ERBB4: variants seen among roughly 807,000 people sequenced by gnomAD.
The protein encoded by ERBB4 is erb-b2 receptor tyrosine kinase 4.
Under a neutral mutation model 158.0 loss-of-function variants are expected in ERBB4, and 42 were observed. The ratio of observed to expected loss-of-function variants is 0.27; its 90% CI spans 0.21 to 0.34. The LOEUF (loss-of-function observed/expected upper bound fraction) is 0.34. ERBB4 is among the 10% of genes least tolerant of loss of function. The pLI, the probability that ERBB4 is intolerant of heterozygous loss-of-function variation, is 1.00. For missense variants in ERBB4, 1,333 were observed against 1,624.1 expected, an observed-to-expected ratio of 0.82 and a Z score of 3.08; for synonymous variants, 583 against 558.7, an observed-to-expected ratio of 1.04 and a Z score of -0.61.
chr2:211,436,134 A>G (rs887974062), intron 20 of ERBB4, among the ~76,000 whole-genome samples: 4 of 152,146 alleles, frequency 2.6e-5, no homozygotes, highest in Non-Finnish European at 5.9e-5. Context: ...TTGAAGTCAT[A>G]TAGCTTTAAA....
At position 211,754,526 on chromosome 2, in the gene ERBB4, G is replaced by A. The variant is rs1480701917; in HGVS notation, c.557-3822C>T. 1.1e-4 allele frequency among the ~76,000 whole-genome samples: 16 copies of A among 146,834 alleles called. 1 individual carries two copies. The highest frequency in any genetic ancestry group is 4.1e-3 in the Middle Eastern group (1 of 246). On this transcript the variant is annotated intron_variant, in intron 4 of 27. Transcript: ENST00000342788. ...AAGCAATTCTCTGCCTCAGCCTCCC[G>A]AGTAGCTGGGATTACAGGTGCCTGC...
intron 7 of ERBB4, among the ~76,000 whole-genome samples, chr2:211,720,480 G>A (rs935443474): frequency 6.6e-5 from 10 of 152,152 alleles, no homozygotes; most frequent in Admixed American, 1.3e-4. Flanking sequence ...TTTTGTCACC[G>A]GGAATCTCTA....
intron 4 of ERBB4, among the ~76,000 whole-genome samples, chr2:211,774,905 A>C (rs2075834573): frequency 6.6e-6 from 1 of 152,158 alleles, no homozygotes; most frequent in South Asian, 2.1e-4. Flanking sequence ...TGCTTCTGTT[A>C]AGTAATAGAT....
At chr2:212,440,262 T>G (rs544256260) in intron 1 of ERBB4, among the ~76,000 whole-genome samples, 2 of 152,196 alleles carry the variant, frequency 1.3e-5, no homozygotes, top group South Asian at 4.1e-4. Context: ...ACTCTTAATC[T>G]GGTGGGAACA....
chr2:211,768,610 G>C (rs1236223466), intron 4 of ERBB4, among the ~76,000 whole-genome samples: 1 of 152,168 alleles, frequency 6.6e-6, no homozygotes, highest in African/African-American at 2.4e-5. Flanking sequence ...ACACCACGTG[G>C]AAGCTGCCAA....
intron 1 of ERBB4, among the ~76,000 whole-genome samples, chr2:212,141,525 T>C (rs1435828355): frequency 6.6e-6 from 1 of 151,988 alleles, no homozygotes; most frequent in East Asian, 1.9e-4. Flanking sequence ...TAGATTTTTT[T>C]CTTTTTTAAA....
rs1479916126 is a variant in ERBB4 at position 211,457,953 on chromosome 2, C to T, written c.2488-26853G>A. Among the ~76,000 whole-genome samples the T allele has an allele frequency of 1.3e-5, 2 of 152,150 alleles. 1 individual carries two copies. The highest frequency in any genetic ancestry group is 2.9e-5 in the Non-Finnish European group (2 of 68,036). ...ATACCATTCATGTGCTACTTCAGATCCTTTTGTCTCACCTGTTTCTTGGGG... is the reference window on the plus strand; with the variant it reads ...ATACCATTCATGTGCTACTTCAGATTCTTTTGTCTCACCTGTTTCTTGGGG... On this transcript the variant is annotated intron_variant, in intron 20 of 27. Transcript: ENST00000342788.
At chr2:212,197,291 GAC>G (rs2105893736) in intron 1 of ERBB4, among the ~76,000 whole-genome samples, 1 of 152,230 alleles carries the variant, frequency 6.6e-6, no homozygotes, top group Admixed American at 6.5e-5. Flanking sequence ...GAACAATAAA[GAC>G]ACAAATTATT....
chr2:212,064,857 G>A (rs1393656239), intron 2 of ERBB4, among the ~76,000 whole-genome samples: 1 of 151,988 alleles, frequency 6.6e-6, no homozygotes, highest in Non-Finnish European at 1.5e-5. Context: ...ATCAAACATC[G>A]TGTCAGTATT....
intron 1 of ERBB4, among the ~76,000 whole-genome samples, chr2:212,521,565 C>T (rs1228522682): frequency 6.6e-6 from 1 of 151,714 alleles, no homozygotes; most frequent in East Asian, 1.9e-4. Context: ...CTTTAACTGC[C>T]CTAGTTCTCT....
At chr2:212,183,507 G>A (rs753369323) in intron 1 of ERBB4, among the ~76,000 whole-genome samples, 2 of 151,832 alleles carry the variant, frequency 1.3e-5, no homozygotes, top group Non-Finnish European at 1.5e-5. Flanking sequence ...CTAAATTAGT[G>A]GACATAAAAG....
At chr2:212,057,526 G>T (rs1360847413) in intron 2 of ERBB4, among the ~76,000 whole-genome samples, 1 of 152,108 alleles carries the variant, frequency 6.6e-6, no homozygotes, top group Non-Finnish European at 1.5e-5. Context: ...CCACATAGTT[G>T]GAAGTAAAGC....
chr2:212,295,871 A>T (rs1401040511), intron 1 of ERBB4, among the ~76,000 whole-genome samples: 2 of 152,104 alleles, frequency 1.3e-5, no homozygotes, highest in African/African-American at 4.8e-5. Flanking sequence ...AATTTTAGCC[A>T]GAAAGCAGAG....
At chr2:212,514,607 C>T (rs1172925701) in intron 1 of ERBB4, among the ~76,000 whole-genome samples, 1 of 152,078 alleles carries the variant, frequency 6.6e-6, no homozygotes, top group Non-Finnish European at 1.5e-5. Context: ...GAGATCAAGA[C>T]CATCCTGGCC....
intron 3 of ERBB4, among the ~76,000 whole-genome samples, chr2:211,939,592 A>G (rs2080428432): frequency 6.6e-6 from 1 of 152,116 alleles, no homozygotes; most frequent in African/African-American, 2.4e-5. Context: ...GTATTTACAT[A>G]TTCTAAAAAA....
chr2:211,878,194 C>T (rs1176886308), intron 3 of ERBB4, among the ~76,000 whole-genome samples: 3 of 152,060 alleles, frequency 2.0e-5, no homozygotes, highest in Non-Finnish European at 4.4e-5. Context: ...AATCTTCCAT[C>T]GAAATTTATC....
intron 3 of ERBB4, among the ~76,000 whole-genome samples, chr2:211,888,413 AT>A (rs1559615282): frequency 6.6e-6 from 1 of 152,268 alleles, no homozygotes; most frequent in Admixed American, 6.5e-5. Flanking sequence ...ACAAGAATGT[AT>A]GTGTGTACAC....
At chr2:211,949,542 TTTC>T (rs2080815730) in intron 2 of ERBB4, among the ~76,000 whole-genome samples, 1 of 152,236 alleles carries the variant, frequency 6.6e-6, no homozygotes, top group African/African-American at 2.4e-5. Context: ...ATATCAGTTG[TTTC>T]TTTTTATCTT....
chr2:211,525,389 G>A (rs78828708), intron 20 of ERBB4, among the ~76,000 whole-genome samples: 5,237 of 152,158 alleles, frequency 0.034, 292 homozygotes, highest in African/African-American at 0.12. Flanking sequence ...AAGTTGTAAG[G>A]CCTCTATTCC....
Sources: gnomAD v4.1 joint callset for allele counts (sites outside exome capture counted in the v4.1 genomes callset) on GRCh38, gnomAD v4.1.1 for gene constraint, MANE v1.5 for transcripts, NCBI Gene and HGNC (gene_info 2026-07-23, HGNC 2026-07-21) for gene names.